ACOT11: variants seen among roughly 807,000 people sequenced by gnomAD.
ACOT11 encodes acyl-CoA thioesterase 11, also known as acyl-coenzyme A thioesterase 11.
In ACOT11, 69 loss-of-function variants were observed where a neutral mutation model predicts 77.5. The observed-to-expected ratio is 0.89, with a 90% CI of 0.73 to 1.09. ACOT11 has a LOEUF of 1.09. Ranked by LOEUF, ACOT11 falls within the 50% of genes least tolerant of loss-of-function variation. The pLI is 0.00. For missense variants in ACOT11, 766 were observed against 813.7 expected (o/e 0.94, Z 0.71); for synonymous variants, 279 against 313.0 (o/e 0.89, Z 1.15).
At chr1:54,548,766 A>G in intron 1 of ACOT11, 1 of 210,108 alleles carries the variant, frequency 4.8e-6, no homozygotes, top group Non-Finnish European at 9.6e-6. Context: ...TATGGGTGTG[A>G]GTGAGTATGT....
chr1:54,610,392 G>T, downstream of ACOT11: 1 of 1,610,694 alleles, frequency 6.2e-7, no homozygotes, highest in South Asian at 1.1e-5. Context: ...GGAGCACCGG[G>T]GCTGAAGGGT....
intron 15 of ACOT11, chr1:54,623,328 G>C (rs1644249691): frequency 6.2e-7 from 1 of 1,614,008 alleles, no homozygotes; most frequent in African/African-American, 1.3e-5. Flanking sequence ...GACCACCACA[G>C]ACACACAGGT....
chr1:54,581,580 A>G lies in ACOT11; in HGVS notation c.34-3075A>G, dbSNP rs12047593. Among the ~76,000 whole-genome samples, 300 of 152,310 alleles carry G rather than the reference A, an allele frequency of 2.0e-3. 7 individuals carry two copies. The East Asian group carries it at 0.034, about 17-fold the overall frequency. On this transcript the variant is annotated intron_variant, in intron 1 of 15. Coordinates refer to ENST00000343744, the MANE Select transcript of ACOT11 (RefSeq NM_147161.4). ...GGTGTGGCTAGCTGGGGCCTAGTCT[A>G]GCATTATCAAGTCTGGCCAGGTCTG...
Position 54,603,881 on chromosome 1 carries a change from G to A in ACOT11, c.1096G>A (p.Val366Met), listed in dbSNP as rs771450645. 2.6e-5 allele frequency: 42 copies of A among 1,613,948 alleles called. No homozygotes were observed. Among genetic ancestry groups the A allele is most frequent in the South Asian group, 3.3e-5 (3 of 91,088 alleles). Residue 366 changes from valine to methionine, a missense_variant, in exon 11 of 16, where the codon GTG becomes ATG. Transcript: ENST00000343744. The stretch of plus-strand genomic sequence containing the variant: ...TTCTCTCCTTCCCAGGAAGTACATC[G>A]TGTCCTGTAAGCAGACAGAGGTGCC... ...KKIRLDRKYI[V>M]SCKQTEVPLS...
In ACOT11 at chr1:54,609,699, C is replaced by G; in HGVS notation, c.*587C>G. ...CTCCCGTGGGAGATTTTGGCCCCAA[C>G]CCACACAGGCCAATGCAAGAGGCCA... On this transcript the variant is annotated 3_prime_UTR_variant, in exon 16 of 16. Transcript: ENST00000343744. 6.2e-7 allele frequency: 1 copy of G among 1,614,084 alleles called. No homozygotes were observed. The highest frequency in any genetic ancestry group is 8.5e-7 in the Non-Finnish European group (1 of 1,180,032).
chr1:54,592,284 C>T (rs947926062), intron 3 of ACOT11, among the ~76,000 whole-genome samples: 9 of 151,918 alleles, frequency 5.9e-5, no homozygotes, highest in African/African-American at 1.7e-4. Flanking sequence ...AATTGGACAA[C>T]GGGGATCAGG....
At chr1:54,562,507 T>C (rs1173059399) in intron 1 of ACOT11, among the ~76,000 whole-genome samples, 2 of 61,542 alleles carry the variant, frequency 3.2e-5, no homozygotes, top group Non-Finnish European at 6.2e-5. Context: ...CCCCCCCACC[T>C]CCCTCCCGGA....
In ACOT11 at chr1:54,603,713, C is replaced by T. The variant is rs535910004; in HGVS notation, c.1086-158C>T. On this transcript the variant is annotated intron_variant, in intron 10 of 15. Transcript: ENST00000343744. ...GGCCGAGCTGGTGTGCCCTCAGCTG[C>T]TGTGTCCTGTGTGACCATCCAGCCT... 1.1e-4 allele frequency among the ~76,000 whole-genome samples: 17 copies of T among 152,236 alleles called. No homozygotes were observed. In the East Asian group the frequency reaches 3.1e-3, roughly 28 times the overall value.
At chr1:54,611,755 C>A, downstream of ACOT11, 2 of 1,613,802 alleles carry the variant, frequency 1.2e-6, no homozygotes, top group Non-Finnish European at 1.7e-6. Flanking sequence ...CCTGGGGACA[C>A]GAGAGCTGGC....
chr1:54,548,684 C>A (rs1652959805), intron 1 of ACOT11: 1 of 364,290 alleles, frequency 2.7e-6, no homozygotes. Flanking sequence ...AGCTCCATGG[C>A]CTTGTGGTGC....
intron 6 of ACOT11, 127 bp downstream of exon 6, chr1:54,594,818 G>T: frequency 7.6e-7 from 1 of 1,324,212 alleles, no homozygotes; most frequent in Non-Finnish European, 1.0e-6. Context: ...GTGGCCCTGG[G>T]CCTCTCCTAG....
chr1:54,556,533 C>A (rs1023909755), intron 1 of ACOT11, among the ~76,000 whole-genome samples: 16 of 151,614 alleles, frequency 1.1e-4, no homozygotes, highest in Non-Finnish European at 1.8e-4. Context: ...GGGATCTTTT[C>A]ATTTATATCT....
At chr1:54,548,443 C>G in intron 1 of ACOT11, 101 bp downstream of exon 1, 3 of 1,394,880 alleles carry the variant, frequency 2.2e-6, no homozygotes, top group Non-Finnish European at 2.9e-6. Context: ...CATCTCCTCA[C>G]ACTCTCCACG....
chr1:54,607,368 T>C lies in ACOT11; in HGVS notation c.1502+103T>C. Reference sequence around the variant, plus strand: ...GGGCATCAGCCTGGAGCCAGAGCTCTGCTTCCCATTGGCTGTGGGGCCCCA... The same window carrying C: ...GGGCATCAGCCTGGAGCCAGAGCTCCGCTTCCCATTGGCTGTGGGGCCCCA... On this transcript the variant is annotated intron_variant, in intron 14 of 15. Coordinates refer to ENST00000343744, the MANE Select transcript of ACOT11 (RefSeq NM_147161.4). The surrounding 1 kb of genome is among the most constrained non-coding windows in gnomAD (Gnocchi z 4.5). The C allele has an allele frequency of 6.5e-7, 1 of 1,548,076 alleles. No individual in the cohort carries two copies. Among genetic ancestry groups the C allele is most frequent in the Non-Finnish European group, 8.8e-7 (1 of 1,141,606 alleles).
intron 1 of ACOT11, among the ~76,000 whole-genome samples, chr1:54,560,159 G>A (rs1653413535): frequency 6.6e-6 from 1 of 152,216 alleles, no homozygotes; most frequent in African/African-American, 2.4e-5. Flanking sequence ...CAGGTTGATG[G>A]AGAGACAGAG....
intron 15 of ACOT11, among the ~76,000 whole-genome samples, chr1:54,627,714 T>A (rs1644279208): frequency 7.5e-6 from 1 of 134,136 alleles, no homozygotes; most frequent in Admixed American, 7.6e-5. Context: ...GCATGCAGGA[T>A]GGAGAAGACA....
intron 13 of ACOT11, among the ~76,000 whole-genome samples, chr1:54,606,930 G>C (rs1644032991): frequency 6.6e-6 from 1 of 152,250 alleles, no homozygotes; most frequent in African/African-American, 2.4e-5. Context: ...ATGTCTACAT[G>C]TGCCTGTGTG....
intron 10 of ACOT11, 23 bp from the exon 11 acceptor site, chr1:54,603,848 T>G: frequency 6.2e-7 from 1 of 1,612,546 alleles, no homozygotes; most frequent in Non-Finnish European, 8.5e-7. Flanking sequence ...GGGACCAAGG[T>G]TGTCATCTTC....
At chr1:54,602,615 G>C (rs1643977369) in intron 9 of ACOT11, 54 bp from the exon 10 acceptor site, 1 of 1,424,252 alleles carries the variant, frequency 7.0e-7, no homozygotes, top group South Asian at 1.5e-5. Flanking sequence ...GGATGGAGAG[G>C]GGGCAGGACG....
Sources: gnomAD v4.1 joint callset for allele counts (sites outside exome capture counted in the v4.1 genomes callset) on GRCh38, gnomAD v4.1.1 for gene constraint, Gnocchi (gnomAD v3.1) non-coding constraint, MANE v1.5 for transcripts, NCBI Gene and HGNC (gene_info 2026-07-23, HGNC 2026-07-21) for gene names.